The following NAALADL2 variants were observed in gnomAD, a reference collection of about 807,000 sequenced individuals.
NAALADL2 encodes the protein inactive N-acetylated-alpha-linked acidic dipeptidase-like protein 2.
A neutral mutation model predicts 87.2 loss-of-function variants in NAALADL2; 76 were observed. The ratio of observed to expected loss-of-function variants is 0.87; its 90% CI spans 0.72 to 1.05. The LOEUF (loss-of-function observed/expected upper bound fraction) is 1.05, where lower values mean the gene tolerates loss of function less well. NAALADL2 is among the 50% of genes least tolerant of loss of function. The pLI is 0.00. For synonymous variants in NAALADL2, 354 were observed against 331.0 expected, an observed-to-expected ratio of 1.07 and a Z score of -0.75; for missense variants, 1,089 against 945.8, an observed-to-expected ratio of 1.15 and a Z score of -1.99.
At chr3:174,659,593 G>A (rs937746532) in intron 2 of NAALADL2, among the ~76,000 whole-genome samples, 2 of 152,054 alleles carry the variant, frequency 1.3e-5, no homozygotes, top group African/African-American at 4.8e-5. Context: ...ATCCCTGTAA[G>A]GTCAATCTTA....
chr3:175,699,548 C>A (rs1256487073), intron 11 of NAALADL2, among the ~76,000 whole-genome samples: 2 of 152,144 alleles, frequency 1.3e-5, no homozygotes, highest in East Asian at 1.9e-4. Flanking sequence ...TAGCCCTCTA[C>A]CCCTCAGTTA....
intron 4 of NAALADL2, among the ~76,000 whole-genome samples, chr3:175,293,446 G>GT (rs138639461): frequency 6.6e-6 from 1 of 152,152 alleles, no homozygotes; most frequent in Non-Finnish European, 1.5e-5. Flanking sequence ...TGGGCAAACT[G>GT]TTTTTTCTTC....
chr3:175,119,154 C>T (rs1480804849), intron 2 of NAALADL2, among the ~76,000 whole-genome samples: 5 of 151,042 alleles, frequency 3.3e-5, no homozygotes, highest in Non-Finnish European at 7.4e-5. Flanking sequence ...GTTAGATTTA[C>T]ACATTTCAAA....
At chr3:174,891,746 G>A (rs1320238344) in intron 1 of NAALADL2, among the ~76,000 whole-genome samples, 2 of 152,118 alleles carry the variant, frequency 1.3e-5, no homozygotes, top group African/African-American at 2.4e-5. Flanking sequence ...GTAACTCTTA[G>A]GCAAGTCCCA....
At chr3:175,734,414 G>A (rs62286100) in intron 11 of NAALADL2, among the ~76,000 whole-genome samples, 14,829 of 152,074 alleles carry the variant, frequency 0.098, 774 homozygotes, top group African/African-American at 0.13. Flanking sequence ...AAAATTAGCT[G>A]GGCGTGGTGG....
chr3:175,445,285 CTTATTT>C (rs1237863802), intron 5 of NAALADL2, among the ~76,000 whole-genome samples: 3 of 151,950 alleles, frequency 2.0e-5, no homozygotes, highest in Non-Finnish European at 4.4e-5. Context: ...ACTGTTTTAT[CTTATTT>C]TTATTTTTTA....
chr3:175,235,352 C>T (rs1745657242), intron 3 of NAALADL2: 1 of 152,060 alleles, frequency 6.6e-6, no homozygotes, highest in East Asian at 1.9e-4. Flanking sequence ...TGACTTTTAG[C>T]CAAAGAGCTG....
chr3:175,607,913 G>GCACACACACACA (rs1553931901), intron 10 of NAALADL2, among the ~76,000 whole-genome samples: 11 of 149,094 alleles, frequency 7.4e-5, no homozygotes, highest in Non-Finnish European at 1.0e-4. Context: ...ACACACACAC[G>GCACACACACACA]CACACACACG....
At chr3:174,516,498 G>GAAGA (rs1400397328) in intron 1 of NAALADL2, among the ~76,000 whole-genome samples, 1 of 151,984 alleles carries the variant, frequency 6.6e-6, no homozygotes, top group Non-Finnish European at 1.5e-5. Context: ...GTTGGGTTTA[G>GAAGA]AAGAGCTCAC....
At chr3:175,465,195 T>C (rs1364279595) in intron 7 of NAALADL2, among the ~76,000 whole-genome samples, 1 of 145,024 alleles carries the variant, frequency 6.9e-6, no homozygotes, top group African/African-American at 2.6e-5. Flanking sequence ...GAGCTTGCAG[T>C]GAGCAGAGAT....
At chr3:175,760,289 T>C (rs1026760680) in intron 13 of NAALADL2, among the ~76,000 whole-genome samples, 3 of 152,150 alleles carry the variant, frequency 2.0e-5, no homozygotes, top group Non-Finnish European at 2.9e-5. Context: ...TACATGTAAT[T>C]ATATGAAGAT....
intron 9 of NAALADL2, among the ~76,000 whole-genome samples, chr3:175,526,761 T>C (rs1034880868): frequency 5.9e-5 from 9 of 152,124 alleles, no homozygotes; most frequent in African/African-American, 1.7e-4. Context: ...TTTAATTTGT[T>C]CCACGGGTCC....
chr3:175,358,781 T>G (rs995261230), intron 5 of NAALADL2, among the ~76,000 whole-genome samples: 4 of 152,130 alleles, frequency 2.6e-5, no homozygotes, highest in Non-Finnish European at 4.4e-5. Flanking sequence ...AAATAGCATA[T>G]CTTTAAAAGA....
intron 2 of NAALADL2, among the ~76,000 whole-genome samples, chr3:174,667,356 C>G (rs1175773026): frequency 6.6e-6 from 1 of 152,004 alleles, no homozygotes; most frequent in East Asian, 1.9e-4. Flanking sequence ...TTTAAGGGCA[C>G]TGCTTTGATT....
intron 2 of NAALADL2, among the ~76,000 whole-genome samples, chr3:174,734,712 G>A (rs1733023287): frequency 6.6e-6 from 1 of 152,122 alleles, no homozygotes; most frequent in South Asian, 2.1e-4. Context: ...TTCTTTGTGA[G>A]AAAAGAAAGA....
At chr3:174,821,358 C>T (rs564350513) in intron 3 of NAALADL2, among the ~76,000 whole-genome samples, 43 of 152,172 alleles carry the variant, frequency 2.8e-4, no homozygotes, top group Admixed American at 1.8e-3. Flanking sequence ...GTGTAAGTCA[C>T]CTAGCTCTGT....
Position 174,499,125 on chromosome 3 carries a change from A to T in NAALADL2, c.-183-51444A>T, listed in dbSNP as rs547302811. 3.5e-3 allele frequency among the ~76,000 whole-genome samples: 530 copies of T among 152,214 alleles called. 3 individuals carry two copies. Among genetic ancestry groups the T allele is most frequent in the Non-Finnish European group, 5.0e-3 (338 of 67,950 alleles). ...TGTATATATAGGAAAATGTATATGT[A>T]GGATTTGGTACTATTTGTGGTTTTA... On this transcript the variant is annotated intron_variant, in intron 1 of 3. Coordinates refer to the NAALADL2 transcript ENST00000434257.
At position 175,494,706 on chromosome 3, in the gene NAALADL2, C is replaced by T. The variant is rs528426024; in HGVS notation, c.1653+22948C>T. Reference sequence around the variant, plus strand: ...CGATTTCCAATCGGTACCTAGGACACGTCTTTAAATACTATGGACCTATCG... The same window carrying T: ...CGATTTCCAATCGGTACCTAGGACATGTCTTTAAATACTATGGACCTATCG... On this transcript the variant is annotated intron_variant, in intron 9 of 13. Coordinates refer to ENST00000454872, the MANE Select transcript of NAALADL2 (RefSeq NM_207015.3). Among the ~76,000 whole-genome samples, 33 of 152,186 alleles carry T rather than the reference C, an allele frequency of 2.2e-4. 1 individual carries two copies. The highest frequency in any genetic ancestry group is 6.8e-3 in the Middle Eastern group (2 of 292).
intron 11 of NAALADL2, among the ~76,000 whole-genome samples, chr3:175,736,606 A>T (rs1049816769): frequency 2.0e-5 from 3 of 152,224 alleles, no homozygotes; most frequent in Non-Finnish European, 2.9e-5. Flanking sequence ...CTGGCTACAG[A>T]TATCAACATA....
Sources: allele counts gnomAD v4.1 joint callset (sites outside exome capture counted in the v4.1 genomes callset), GRCh38; gene constraint gnomAD v4.1.1; transcripts MANE v1.5; gene names NCBI Gene and HGNC (gene_info 2026-07-23, HGNC 2026-07-21).